The following MGAM variants were observed in gnomAD, a reference collection of about 807,000 sequenced individuals.
MGAM encodes the protein maltase-glucoamylase.
In MGAM, 253 loss-of-function variants were observed where a neutral mutation model predicts 358.8. The ratio of observed to expected loss-of-function variants is 0.71; its 90% CI spans 0.64 to 0.78. MGAM has a LOEUF of 0.78. MGAM is among the 30% of genes least tolerant of loss of function. MGAM has a pLI of 0.00. For missense variants in MGAM, 3,080 were observed against 3,432.6 expected, an observed-to-expected ratio of 0.90 and a Z score of 2.57; for synonymous variants, 1,105 against 1,227.1, an observed-to-expected ratio of 0.90 and a Z score of 2.08.
chr7:142,080,153 C>A (rs1814124950), intron 49 of MGAM, among the ~76,000 whole-genome samples: 1 of 146,582 alleles, frequency 6.8e-6, no homozygotes, highest in South Asian at 2.2e-4. Context: ...TCTCAGTCTC[C>A]CAGAAACAAT....
chr7:142,065,958 G>GTTTTTTTTTTTTTTTTTTT lies in MGAM; in HGVS notation c.4770+131_4770+132insTTTTTTTTTTTTTTTTTTT, dbSNP rs1477940566. On this transcript the variant is annotated intron_variant, in intron 40 of 70. Coordinates refer to ENST00000475668, the MANE Select transcript of MGAM (RefSeq NM_001365693.1). ...AAAAAAAGGTGTTTTTTTTTGTTTT[G>GTTTTTTTTTTTTTTTTTTT]TTTTGTTTTGTTTTTTTTTTTGAAA... The GTTTTTTTTTTTTTTTTTTT allele has an allele frequency of 5.4e-6, 4 of 743,374 alleles. No individual in the cohort carries two copies. The African/African-American group carries it at 8.6e-5, about 16-fold the overall frequency. 46.0% of individuals were successfully genotyped at this position (743,374 alleles called of 1,614,324 possible). A position where few individuals can be genotyped will look rare whatever the true frequency, so the allele number is the denominator to read the frequency against.
chr7:142,059,308 A>C (rs1289802299), intron 31 of MGAM, among the ~76,000 whole-genome samples, 164 bp from the exon 32 acceptor site: 3 of 152,148 alleles, frequency 2.0e-5, no homozygotes, highest in Non-Finnish European at 4.4e-5. Context: ...TTTAAAAATT[A>C]AGTGTATTTC....
At position 142,019,325 on chromosome 7, in the gene MGAM, C is replaced by A; in HGVS notation, c.448+6C>A. ...CCTTGTCAACACAAATGCAGGTAAG[C>A]CAGAGTCTGCCATGATGCAGGAGGT... On this transcript the variant is annotated splice_donor_region_variant and intron_variant, in intron 4 of 70. Transcript: ENST00000475668. 1 of 1,611,282 alleles carries A rather than the reference C, an allele frequency of 6.2e-7. No individual in the cohort carries two copies. The highest frequency in any genetic ancestry group is 8.5e-7 in the Non-Finnish European group (1 of 1,179,334).
intron 2 of MGAM, among the ~76,000 whole-genome samples, chr7:141,990,315 C>T (rs982965087): frequency 6.6e-5 from 10 of 152,210 alleles, no homozygotes; most frequent in Non-Finnish European, 1.5e-5. Context: ...CAACTTCACT[C>T]CAAAGAACAT....
intron 70 of MGAM, among the ~76,000 whole-genome samples, chr7:142,103,958 A>G (rs1036816820): frequency 2.6e-5 from 4 of 151,134 alleles, no homozygotes; most frequent in African/African-American, 9.7e-5. Context: ...TCCCAGGTTC[A>G]TGCCATTCTT....
intron 70 of MGAM, among the ~76,000 whole-genome samples, chr7:142,105,540 G>T (rs1816786403): frequency 6.6e-6 from 1 of 152,072 alleles, no homozygotes. Flanking sequence ...CACCCACCTG[G>T]GCCTCCCGGA....
chr7:142,048,334 G>C (rs1220593148), intron 22 of MGAM, among the ~76,000 whole-genome samples: 2 of 151,446 alleles, frequency 1.3e-5, no homozygotes, highest in Non-Finnish European at 2.9e-5. Context: ...ATGTTTAGTA[G>C]AGATGAGGTT....
At chr7:142,032,694 A>T in intron 13 of MGAM, 131 bp from the exon 14 acceptor site, 2 of 582,322 alleles carry the variant, frequency 3.4e-6, no homozygotes, top group Non-Finnish European at 6.0e-6. Context: ...CACCTACTCT[A>T]TTCCATTTAT....
chr7:142,084,408 A>T (rs1563208610), intron 53 of MGAM, 111 bp from the exon 54 acceptor site: 1 of 1,243,126 alleles, frequency 8.0e-7, no homozygotes, highest in Non-Finnish European at 1.1e-6. Flanking sequence ...TGTGGAATTC[A>T]ATTAGTTAGT....
At position 142,092,533 on chromosome 7, in the gene MGAM, C is replaced by A; in HGVS notation, c.6958C>A (p.Pro2320Thr). Reference sequence around the variant, plus strand: ...TTGGCATTTCTAGGATATGAATGAACCATCAAGCTTCGTGAATGGGGCAGT... The same window carrying A: ...TTGGCATTTCTAGGATATGAATGAAACATCAAGCTTCGTGAATGGGGCAGT... ...FDGMWIDMNE[P>T]SSFVNGAVSP... The change falls in exon 59 of 71, where the codon CCA (proline) becomes ACA (threonine). Residue 2320 changes from proline (P) to threonine (T), a missense_variant. By Grantham distance (38) the Pro-to-Thr change is conservative. This residue lies in a region of MGAM where 932 missense variants were observed against 1,198.2 expected (regional missense o/e 0.78). Transcript: ENST00000475668. The A allele has an allele frequency of 1.3e-6, 2 of 1,548,204 alleles. No individual in the cohort carries two copies. Among genetic ancestry groups the A allele is most frequent in the Non-Finnish European group, 1.8e-6 (2 of 1,128,560 alleles).
chr7:142,093,493 T>A lies in MGAM; in HGVS notation c.7115T>A (p.Val2372Glu). 2 of 1,516,286 alleles carry A rather than the reference T, an allele frequency of 1.3e-6. 1 individual carries two copies. The highest frequency in any genetic ancestry group is 1.8e-6 in the Non-Finnish European group (2 of 1,112,090). The allele number at this position is 1,516,286 out of a possible 1,614,324, so 93.9% of individuals were successfully genotyped here. The change falls in exon 60 of 71, where the codon GTG becomes GAG. Residue 2372 changes from valine (V) to glutamate (E), a missense_variant. Val to Glu is a moderately radical substitution (Grantham distance 121). Coordinates refer to ENST00000475668, the MANE Select transcript of MGAM (RefSeq NM_001365693.1). ...CAGATCCTCCCAGACGGCTCCCCGG[T>A]GCAGCACTACAATGTGCACAACCTG... ...SQQILPDGSPVQHYNVHNLYG... is the reference protein window; with the variant it reads ...SQQILPDGSPEQHYNVHNLYG...
chr7:142,066,562 T>C lies in MGAM; in HGVS notation c.4771-11T>C. On this transcript the variant is annotated splice_polypyrimidine_tract_variant and intron_variant, in intron 40 of 70. Coordinates refer to ENST00000475668, the MANE Select transcript of MGAM (RefSeq NM_001365693.1). ...GGGCGAGCTCCCAACACTGTTCTCT[T>C]TCTCCTTTAGAGACAAGACCCTGTG... The C allele has an allele frequency of 6.4e-7, 1 of 1,554,240 alleles. No individual in the cohort carries two copies. The highest frequency in any genetic ancestry group is 8.8e-7 in the Non-Finnish European group (1 of 1,132,322).
In MGAM at chr7:142,001,607, T is replaced by C. The variant is rs1804744162; in HGVS notation, c.-2-3922T>C. Among the ~76,000 whole-genome samples the C allele has an allele frequency of 3.9e-5, 6 of 152,188 alleles. No individual in the cohort carries two copies. In the South Asian group the frequency reaches 1.2e-3, roughly 32 times the overall value. On this transcript the variant is annotated intron_variant, in intron 1 of 70. Transcript: ENST00000475668. ...CCTTGTATAGGCAAGACTGTAGCTA[T>C]GGCTCCTCTTCCTGGCTTTCTGCAC...
chr7:142,103,924 T>C (rs1563233369), intron 70 of MGAM, among the ~76,000 whole-genome samples: 1 of 151,850 alleles, frequency 6.6e-6, no homozygotes, highest in African/African-American at 2.4e-5. Flanking sequence ...TGGCATGTGA[T>C]CTCAGCTCAC....
In MGAM at chr7:142,077,954, C is replaced by A. The variant is rs543099357; in HGVS notation, c.5494-364C>A. Among the ~76,000 whole-genome samples the A allele has an allele frequency of 1.4e-5, 2 of 145,494 alleles. 1 individual carries two copies. The highest frequency in any genetic ancestry group is 3.1e-5 in the Non-Finnish European group (2 of 64,236). On this transcript the variant is annotated intron_variant, in intron 47 of 70. Transcript: ENST00000475668. ...AGGATCAGCTCACTTTGAGATGACA[C>A]CATGTGTCATGCTAAAGAGGAAGTG...
In MGAM at chr7:142,080,846, G is replaced by A; in HGVS notation, c.5903G>A (p.Ser1968Asn). The A allele has an allele frequency of 6.4e-7, 1 of 1,556,276 alleles. No individual in the cohort carries two copies. Among genetic ancestry groups the A allele is most frequent in the Non-Finnish European group, 8.8e-7 (1 of 1,132,308 alleles). Residue 1968 changes from serine (S) to asparagine (N), a missense_variant, in exon 50 of 71, where the codon AGC becomes AAC. Physicochemically the swap from Ser to Asn is conservative, Grantham distance 46 (BLOSUM62 1). Around this residue, in one of 5 missense-constraint regions of MGAM, gnomAD observed 932 missense variants for 1,198.2 expected, o/e 0.78. Coordinates refer to ENST00000475668, the MANE Select transcript of MGAM (RefSeq NM_001365693.1). The stretch of plus-strand genomic sequence containing the variant: ...GTTCCAGTCCCTCTGAACATACCCA[G>A]CGTGCCATCCAGCACCCCTGAGGGT... ...YEVPVPLNIP[S>N]VPSSTPEGQL...
intron 14 of MGAM, among the ~76,000 whole-genome samples, chr7:142,033,487 A>G (rs1807696084): frequency 6.6e-6 from 1 of 152,304 alleles, no homozygotes; most frequent in Non-Finnish European, 1.5e-5. Flanking sequence ...GACAGATTAT[A>G]TCTTGATTGA....
At chr7:142,019,436 G>C (rs1806242589) in intron 4 of MGAM, 117 bp downstream of exon 4, 1 of 1,128,674 alleles carries the variant, frequency 8.9e-7, no homozygotes, top group African/African-American at 1.6e-5. Context: ...ACATGTGACA[G>C]AAGGTGGGCA....
intron 31 of MGAM, among the ~76,000 whole-genome samples, chr7:142,058,552 T>C (rs1256323399): frequency 6.6e-6 from 1 of 152,220 alleles, no homozygotes; most frequent in Non-Finnish European, 1.5e-5. Flanking sequence ...GAGTGGGAGA[T>C]AGGCTGGCTC....
Sources: allele counts gnomAD v4.1 joint callset (sites outside exome capture counted in the v4.1 genomes callset), GRCh38; gene constraint gnomAD v4.1.1; regional missense constraint gnomAD v4.1.1; transcripts MANE v1.5; gene names NCBI Gene and HGNC (gene_info 2026-07-23, HGNC 2026-07-21).